Variants in NKAIN2 observed in about 807,000 individuals in gnomAD.
NKAIN2 encodes the protein sodium/potassium-transporting ATPase subunit beta-1-interacting protein 2.
NKAIN2 carries 14 observed loss-of-function variants against 32.6 expected under a neutral mutation model. The observed-to-expected ratio is 0.43, with a 90% confidence interval of 0.28 to 0.67. The LOEUF (loss-of-function observed/expected upper bound fraction) is 0.67, where lower values mean the gene tolerates loss of function less well. Ranked by LOEUF, NKAIN2 falls within the 30% of genes least tolerant of loss-of-function variation. The pLI is 0.17. For missense variants in NKAIN2, 198 were observed against 258.3 expected, an observed-to-expected ratio of 0.77 and a Z score of 1.60; for synonymous variants, 80 against 87.2, an observed-to-expected ratio of 0.92 and a Z score of 0.46.
intron 1 of NKAIN2, among the ~76,000 whole-genome samples, chr6:123,882,807 C>T (rs1056632802): frequency 3.3e-5 from 5 of 151,382 alleles, no homozygotes; most frequent in African/African-American, 4.9e-5. Context: ...AATGAAAAGA[C>T]CAATTGTTTA....
chr6:124,122,515 A>C (rs645673), intron 1 of NKAIN2, among the ~76,000 whole-genome samples: 105,347 of 151,896 alleles, frequency 0.69, 36,835 homozygotes, highest in African/African-American at 0.77. Context: ...GGAAAGTAGA[A>C]CTAATTATCA....
chr6:123,873,824 G>A (rs866955551), intron 1 of NKAIN2, among the ~76,000 whole-genome samples: 15 of 152,182 alleles, frequency 9.9e-5, no homozygotes, highest in African/African-American at 3.4e-4. Flanking sequence ...ATTTGAAGCA[G>A]CATTGCTGTA....
chr6:124,723,250 AT>A (rs1460672448), intron 4 of NKAIN2, among the ~76,000 whole-genome samples: 2 of 152,218 alleles, frequency 1.3e-5, no homozygotes, highest in Non-Finnish European at 2.9e-5. Context: ...TAGATGTATA[AT>A]TTTGCAAATA....
intron 3 of NKAIN2, among the ~76,000 whole-genome samples, chr6:124,460,379 C>T (rs1390464022): frequency 6.6e-6 from 1 of 151,674 alleles, no homozygotes; most frequent in African/African-American, 2.4e-5. Context: ...ATTTGGCTTT[C>T]TTCTCACTAA....
chr6:123,911,812 T>TATATACACAC (rs1331943561), intron 1 of NKAIN2, among the ~76,000 whole-genome samples: 13 of 85,008 alleles, frequency 1.5e-4, no homozygotes, highest in African/African-American at 5.0e-4. Flanking sequence ...TATATATATA[T>TATATACACAC]ACACACACAC....
At chr6:124,353,465 G>A (rs1053958521) in intron 2 of NKAIN2, among the ~76,000 whole-genome samples, 2 of 152,218 alleles carry the variant, frequency 1.3e-5, no homozygotes, top group Admixed American at 1.3e-4. Context: ...AATATACAAA[G>A]AGGCACAGGC....
intron 3 of NKAIN2, among the ~76,000 whole-genome samples, chr6:124,478,460 T>G (rs932371954): frequency 5.3e-5 from 8 of 152,120 alleles, no homozygotes; most frequent in Non-Finnish European, 1.2e-4. Flanking sequence ...TCTGGTAGTG[T>G]CAGAGAAATA....
chr6:123,829,236 A>G (rs2114908420), intron 1 of NKAIN2: 1 of 152,164 alleles, frequency 6.6e-6, no homozygotes, highest in Middle Eastern at 3.4e-3. Context: ...ACATTTTTTT[A>G]TTATCACCGT....
chr6:124,259,342 T>C (rs113068252), intron 1 of NKAIN2, among the ~76,000 whole-genome samples: 1 of 152,110 alleles, frequency 6.6e-6, no homozygotes. Context: ...ATCTCATTGT[T>C]TGGGTGTGGT....
chr6:123,936,784 C>T (rs567158749), intron 1 of NKAIN2, among the ~76,000 whole-genome samples: 2 of 152,202 alleles, frequency 1.3e-5, no homozygotes, highest in African/African-American at 4.8e-5. Context: ...ATGGAACTAT[C>T]ATCCAGTGAA....
At chr6:124,369,733 G>A (rs1372354541) in intron 3 of NKAIN2, among the ~76,000 whole-genome samples, 2 of 151,924 alleles carry the variant, frequency 1.3e-5, no homozygotes, top group African/African-American at 4.8e-5. Flanking sequence ...CCCCTGGTGT[G>A]CTTTTGGTCT....
intron 3 of NKAIN2, among the ~76,000 whole-genome samples, chr6:124,545,401 C>T (rs1185957668): frequency 6.6e-6 from 1 of 152,042 alleles, no homozygotes; most frequent in Non-Finnish European, 1.5e-5. Flanking sequence ...CAAATCCAGA[C>T]AAGAGATAAG....
chr6:123,930,703 C>T (rs1776215778), intron 1 of NKAIN2, among the ~76,000 whole-genome samples: 1 of 152,100 alleles, frequency 6.6e-6, no homozygotes, highest in Non-Finnish European at 1.5e-5. Context: ...TGTAATACTT[C>T]TTCCTCCTCT....
At chr6:124,386,954 A>G (rs1322586) in intron 3 of NKAIN2, among the ~76,000 whole-genome samples, 14,059 of 152,188 alleles carry the variant, frequency 0.092, 736 homozygotes, top group African/African-American at 0.14. Context: ...CAGTTTTAGC[A>G]GAATTCATGT....
intron 2 of NKAIN2, among the ~76,000 whole-genome samples, chr6:124,295,501 T>G (rs1411981092): frequency 6.6e-6 from 1 of 152,146 alleles, no homozygotes; most frequent in Non-Finnish European, 1.5e-5. Flanking sequence ...TTATTATTGC[T>G]TATTTATATC....
chr6:124,352,960 T>A (rs1446824391), intron 2 of NKAIN2, among the ~76,000 whole-genome samples: 1 of 152,194 alleles, frequency 6.6e-6, no homozygotes, highest in Non-Finnish European at 1.5e-5. Flanking sequence ...AGCAGTTAGA[T>A]GAAACCAACT....
At chr6:124,658,160 C>T (rs1377853257) in intron 3 of NKAIN2, 26 bp from the exon 4 acceptor site, 2 of 1,527,604 alleles carry the variant, frequency 1.3e-6, no homozygotes, top group Non-Finnish European at 1.8e-6. Flanking sequence ...AAGTAATTCT[C>T]ATCCTTGTAA....
At chr6:124,479,454 T>C (rs142669727) in intron 3 of NKAIN2, among the ~76,000 whole-genome samples, 1 of 152,300 alleles carries the variant, frequency 6.6e-6, no homozygotes, top group East Asian at 1.9e-4. Context: ...CTGGATGGAA[T>C]GAATCATGTC....
At chr6:124,581,043 A>G (rs9482566) in intron 3 of NKAIN2, among the ~76,000 whole-genome samples, 30,643 of 152,170 alleles carry the variant, frequency 0.2, 3,245 homozygotes, top group South Asian at 0.27. Context: ...CAAAGCAAAT[A>G]TTATTAGAGC....
Sources: allele counts gnomAD v4.1 joint callset (sites outside exome capture counted in the v4.1 genomes callset), GRCh38; gene constraint gnomAD v4.1.1; transcripts MANE v1.5; gene names NCBI Gene and HGNC (gene_info 2026-07-23, HGNC 2026-07-21).